Variants in SENP6 observed in about 807,000 individuals in gnomAD.
SENP6 encodes sentrin-specific protease 6.
SENP6 carries 41 observed loss-of-function variants against 134.5 expected under a neutral mutation model. The ratio of observed to expected loss-of-function variants is 0.30; its 90% CI spans 0.24 to 0.40. The LOEUF is 0.40. Ranked by LOEUF, SENP6 falls within the 10% of genes least tolerant of loss-of-function variation. The pLI, the probability that SENP6 is intolerant of heterozygous loss-of-function variation, is 1.00. For synonymous variants in SENP6, 395 were observed against 429.8 expected (o/e 0.92, Z 1.00); for missense variants, 1,248 against 1,312.5 (o/e 0.95, Z 0.76).
intron 16 of SENP6, among the ~76,000 whole-genome samples, chr6:75,681,288 C>G (rs932125699): frequency 5.3e-5 from 8 of 152,092 alleles, no homozygotes; most frequent in Non-Finnish European, 1.5e-5. Flanking sequence ...GCACCTCCCC[C>G]TTTGCTCTCT....
At chr6:75,644,369 CAAGAG>C (rs1160935251) in intron 6 of SENP6, among the ~76,000 whole-genome samples, 1 of 151,902 alleles carries the variant, frequency 6.6e-6, no homozygotes, top group Non-Finnish European at 1.5e-5. Context: ...CTGAAAAACA[CAAGAG>C]AGGAGACTAA....
chr6:75,648,752 C>T (rs1228970155), intron 7 of SENP6, among the ~76,000 whole-genome samples: 2 of 152,178 alleles, frequency 1.3e-5, no homozygotes, highest in African/African-American at 2.4e-5. Flanking sequence ...TTATTGAGCT[C>T]TTACTCTGCT....
chr6:75,682,816 T>C (rs901827865), intron 16 of SENP6, among the ~76,000 whole-genome samples: 2 of 152,196 alleles, frequency 1.3e-5, no homozygotes, highest in African/African-American at 4.8e-5. Flanking sequence ...TGATGGACAT[T>C]TGGGTTGGTT....
intron 8 of SENP6, among the ~76,000 whole-genome samples, chr6:75,660,767 G>A (rs1562018121): frequency 6.6e-6 from 1 of 152,028 alleles, no homozygotes. Flanking sequence ...GAGTATCTGG[G>A]ACTACAGGCA....
At chr6:75,693,209 G>T (rs950242165) in intron 16 of SENP6, among the ~76,000 whole-genome samples, 14 of 151,912 alleles carry the variant, frequency 9.2e-5, no homozygotes, top group African/African-American at 2.7e-4. Flanking sequence ...AGACCAACCT[G>T]GCCAACATGG....
chr6:75,666,496 C>T (rs1772255570), intron 9 of SENP6, among the ~76,000 whole-genome samples: 1 of 150,876 alleles, frequency 6.6e-6, no homozygotes, highest in African/African-American at 2.4e-5. Context: ...TAAAAGATAC[C>T]AAGTCTTAAT....
intron 3 of SENP6, among the ~76,000 whole-genome samples, chr6:75,633,281 C>T (rs1025045809): frequency 6.6e-6 from 1 of 152,270 alleles, no homozygotes; most frequent in East Asian, 1.9e-4. Flanking sequence ...GAAATGCTTA[C>T]TTTTTACTCT....
At chr6:75,637,998 C>T (rs1283002988) in intron 5 of SENP6, among the ~76,000 whole-genome samples, 2 of 152,058 alleles carry the variant, frequency 1.3e-5, no homozygotes, top group South Asian at 2.1e-4. Flanking sequence ...AAATTACAGG[C>T]GTGTGCCACC....
chr6:75,631,021 A>AT (rs201264695), intron 3 of SENP6, among the ~76,000 whole-genome samples: 374 of 146,154 alleles, frequency 2.6e-3, no homozygotes, highest in East Asian at 8.0e-3. Context: ...CATACATTGG[A>AT]TTTTTTTTTT....
rs1248774900 is a variant in SENP6, at chr6:75,643,816, CTG to C, written c.479+3114_479+3115del. On this transcript the variant is annotated intron_variant, in intron 6 of 23. Transcript: ENST00000447266. The stretch of plus-strand genomic sequence containing the variant: ...GTTAAATAGGAATAATGAATTTTAA[CTG>C]TAAAATAAATAAGACTTGATTCATT... Among the ~76,000 whole-genome samples the C allele has an allele frequency of 2.0e-5, 3 of 152,082 alleles. No homozygotes were observed. The East Asian group carries it at 5.8e-4, about 29-fold the overall frequency.
intron 16 of SENP6, among the ~76,000 whole-genome samples, chr6:75,694,131 C>T (rs1423914948): frequency 6.6e-6 from 1 of 152,162 alleles, no homozygotes; most frequent in Non-Finnish European, 1.5e-5. Flanking sequence ...TGGTCCATGC[C>T]TATAATCCCA....
At chr6:75,651,085 C>A (rs1439988473) in intron 7 of SENP6, among the ~76,000 whole-genome samples, 1 of 152,156 alleles carries the variant, frequency 6.6e-6, no homozygotes, top group Non-Finnish European at 1.5e-5. Flanking sequence ...GGTCAGACCA[C>A]AAGTCCTGTT....
chr6:75,652,543 A>G (rs1439040581), intron 7 of SENP6, among the ~76,000 whole-genome samples: 2 of 151,726 alleles, frequency 1.3e-5, no homozygotes, highest in Non-Finnish European at 2.9e-5. Flanking sequence ...TTAATGCCAA[A>G]ATGCCTTGTG....
At chr6:75,643,177 A>C (rs183506014) in intron 6 of SENP6, among the ~76,000 whole-genome samples, 5 of 152,336 alleles carry the variant, frequency 3.3e-5, no homozygotes, top group Non-Finnish European at 5.9e-5. Context: ...AAAATGAAAT[A>C]ATAAACATAA....
chr6:75,639,794 T>C (rs1769887014), intron 5 of SENP6, among the ~76,000 whole-genome samples: 1 of 152,166 alleles, frequency 6.6e-6, no homozygotes, highest in Non-Finnish European at 1.5e-5. Flanking sequence ...CCATATTTAA[T>C]CTAAGACTTT....
At position 75,633,374 on chromosome 6, in the gene SENP6, A is replaced by T. The variant is rs191254934; in HGVS notation, c.208-207A>T. 4.6e-5 allele frequency among the ~76,000 whole-genome samples: 7 copies of T among 152,288 alleles called. No homozygotes were observed. The East Asian group carries it at 1.4e-3, about 29-fold the overall frequency. ...ATTCACATGAAAAGAAAGTAATACAATAAACCTCCATGTTCCTACAAATTT... is the reference window on the plus strand; with the variant it reads ...ATTCACATGAAAAGAAAGTAATACATTAAACCTCCATGTTCCTACAAATTT... On this transcript the variant is annotated intron_variant, in intron 3 of 23. Transcript: ENST00000447266.
At chr6:75,709,700 T>C (rs2149906080) in intron 20 of SENP6, 70 bp downstream of exon 20, 5 of 1,084,854 alleles carry the variant, frequency 4.6e-6, no homozygotes, top group Non-Finnish European at 7.0e-6. Context: ...CTGAACATGG[T>C]GGTGCACACC....
chr6:75,716,761 A>G lies in SENP6; in HGVS notation c.*1167A>G, dbSNP rs949007290. 3 of 151,978 alleles carry G rather than the reference A, an allele frequency of 2.0e-5. No individual in the cohort carries two copies. The highest frequency in any genetic ancestry group is 3.8e-4 in the East Asian group (2 of 5,202). 9.4% of individuals were successfully genotyped at this position (151,978 alleles called of 1,614,324 possible). ...TCAAATGAACTTTGAGACTTGAAACATATTTTAGTCATTTTTTGTTAAATA... is the reference window on the plus strand; with the variant it reads ...TCAAATGAACTTTGAGACTTGAAACGTATTTTAGTCATTTTTTGTTAAATA... On this transcript the variant is annotated 3_prime_UTR_variant, in exon 24 of 24. Transcript: ENST00000447266.
intron 19 of SENP6, among the ~76,000 whole-genome samples, chr6:75,706,640 T>C (rs1190172535): frequency 6.6e-6 from 1 of 152,216 alleles, no homozygotes; most frequent in African/African-American, 2.4e-5. Context: ...TCCCATTTAC[T>C]CATTTTTGAA....
Sources: gnomAD v4.1 joint callset for allele counts (sites outside exome capture counted in the v4.1 genomes callset) on GRCh38, gnomAD v4.1.1 for gene constraint, MANE v1.5 for transcripts, NCBI Gene and HGNC (gene_info 2026-07-23, HGNC 2026-07-21) for gene names.